Variants in ECM2 observed in about 807,000 individuals in gnomAD.
ECM2 encodes the protein extracellular matrix protein 2, also known as extracellular matrix protein 2, female organ and adipocyte specific.
Under a neutral mutation model 67.5 loss-of-function variants are expected in ECM2, and 57 were observed. The observed-to-expected ratio is 0.84, with a 90% confidence interval of 0.68 to 1.05. The LOEUF (loss-of-function observed/expected upper bound fraction) is 1.05, where lower values mean the gene tolerates loss of function less well. ECM2 is among the 50% of genes least tolerant of loss of function. The pLI is 0.00. For missense variants in ECM2, 741 were observed against 822.8 expected, an observed-to-expected ratio of 0.90 and a Z score of 1.22; for synonymous variants, 258 against 294.5, an observed-to-expected ratio of 0.88 and a Z score of 1.27.
chr9:92,523,815 G>A (rs1238123345), intron 1 of ECM2, among the ~76,000 whole-genome samples: 2 of 152,202 alleles, frequency 1.3e-5, no homozygotes, highest in Non-Finnish European at 2.9e-5. Context: ...ATAGATAAGA[G>A]AGCAGGTTGC....
chr9:92,540,509 A>G (rs1196819298), upstream of ECM2, among the ~76,000 whole-genome samples: 1 of 152,136 alleles, frequency 6.6e-6, no homozygotes, highest in Admixed American at 6.5e-5. Context: ...GCAGTGGCTC[A>G]TGCCTGTAAT....
chr9:92,535,438 G>A (rs773909155), intron 1 of ECM2, among the ~76,000 whole-genome samples: 1 of 151,878 alleles, frequency 6.6e-6, no homozygotes, highest in African/African-American at 2.4e-5. Context: ...AGCACTTACT[G>A]TGTTTATCCC....
chr9:92,550,261 T>C, the ECM2 span, among the ~76,000 whole-genome samples: 3 of 151,988 alleles, frequency 2.0e-5, no homozygotes, highest in African/African-American at 7.3e-5. Flanking sequence ...CTGGGTGTGG[T>C]GGTGCGTGCC....
At chr9:92,534,069 G>A (rs1849022471) in intron 1 of ECM2, among the ~76,000 whole-genome samples, 1 of 151,932 alleles carries the variant, frequency 6.6e-6, no homozygotes, top group Admixed American at 6.6e-5. Flanking sequence ...TCCTATACAA[G>A]CTCTCTTCAC....
Position 92,522,560 on chromosome 9 carries a change from A to C in ECM2, c.292+15T>G, listed in dbSNP as rs760163313. 1 of 1,590,496 alleles carries C rather than the reference A, an allele frequency of 6.3e-7. No individual in the cohort carries two copies. The highest frequency in any genetic ancestry group is 1.3e-5 in the African/African-American group (1 of 74,306). On this transcript the variant is annotated intron_variant, in intron 2 of 9. Transcript: ENST00000344604. ...TCCTCCCTCTTTCTGTCTCTCTCTC[A>C]TAGTGTTCTCTTACCTGGTAACACA... is the stretch of plus-strand genomic sequence containing the variant.
At chr9:92,558,545 A>C in the ECM2 span, among the ~76,000 whole-genome samples, 11 of 152,124 alleles carry the variant, frequency 7.2e-5, no homozygotes, top group African/African-American at 2.7e-4. Flanking sequence ...TGGAGGTGGC[A>C]GAGGGTGCAA....
At chr9:92,529,486 C>A (rs763019071) in intron 1 of ECM2, among the ~76,000 whole-genome samples, 1 of 152,136 alleles carries the variant, frequency 6.6e-6, no homozygotes, top group Non-Finnish European at 1.5e-5. Flanking sequence ...AAATCTATGT[C>A]CACACAAAAA....
intron 2 of ECM2, among the ~76,000 whole-genome samples, chr9:92,520,214 T>G (rs1238759838): frequency 6.6e-6 from 1 of 151,226 alleles, no homozygotes; most frequent in Non-Finnish European, 1.5e-5. Flanking sequence ...GCCCAGGAGT[T>G]CAAGACTGCA....
intron 1 of ECM2, among the ~76,000 whole-genome samples, chr9:92,532,732 AT>A (rs1588244901): frequency 6.6e-6 from 1 of 151,788 alleles, no homozygotes; most frequent in African/African-American, 2.4e-5. Flanking sequence ...CTCATCTTTT[AT>A]TTTTTTAAAC....
intron 6 of ECM2, among the ~76,000 whole-genome samples, chr9:92,508,325 A>G (rs543737586): frequency 6.6e-6 from 1 of 152,294 alleles, no homozygotes; most frequent in South Asian, 2.1e-4. Context: ...CGGACTGTGG[A>G]GAAAGGTGGG....
chr9:92,522,394 T>A (rs887669623), intron 2 of ECM2, among the ~76,000 whole-genome samples, 181 bp downstream of exon 2: 3 of 152,228 alleles, frequency 2.0e-5, no homozygotes, highest in African/African-American at 4.8e-5. Flanking sequence ...CCCTATTTTT[T>A]AAATTATTTT....
At chr9:92,505,805 T>C in intron 6 of ECM2, 115 bp from the exon 7 acceptor site, 1 of 827,776 alleles carries the variant, frequency 1.2e-6, no homozygotes. Flanking sequence ...AAATACAGTT[T>C]TTTTTAAACC....
rs1379096999 is a variant in ECM2 at position 92,522,596 on chromosome 9, A to G, written c.271T>C (p.Ser91Pro). The stretch of plus-strand genomic sequence containing the variant: ...TTACCTGGTAACACATTATAACTTG[A>G]TTCTACTCCAGGAAAACTTGAAAAG... ...ESFSSFPGVE[S>P]SYNVLPGKKG... Residue 91 changes from serine (S) to proline (P), a missense_variant, in exon 2 of 10, where the codon TCA becomes CCA. Coordinates refer to ENST00000344604, the MANE Select transcript of ECM2 (RefSeq NM_001393.4). The G allele has an allele frequency of 6.2e-7, 1 of 1,613,000 alleles. No individual in the cohort carries two copies.
chr9:92,502,719 C>T, intron 7 of ECM2, 67 bp from the exon 8 acceptor site: 2 of 1,273,608 alleles, frequency 1.6e-6, no homozygotes, highest in African/African-American at 1.5e-5. Flanking sequence ...TTCATGGAGA[C>T]TAAAATAGTG....
chr9:92,527,598 G>A (rs1251693082), intron 1 of ECM2, among the ~76,000 whole-genome samples: 1 of 152,198 alleles, frequency 6.6e-6, no homozygotes, highest in Non-Finnish European at 1.5e-5. Context: ...CCTAAGACAA[G>A]CTGTGGGAAA....
chr9:92,499,070 A>G (rs1484186731), intron 9 of ECM2, among the ~76,000 whole-genome samples: 1 of 152,222 alleles, frequency 6.6e-6, no homozygotes, highest in African/African-American at 2.4e-5. Context: ...GGTCTGCAGT[A>G]GGTAATGCAG....
At chr9:92,532,744 A>G (rs1848875765) in intron 1 of ECM2, among the ~76,000 whole-genome samples, 1 of 152,128 alleles carries the variant, frequency 6.6e-6, no homozygotes, top group Non-Finnish European at 1.5e-5. Context: ...TTTTTTAAAC[A>G]TATTAAAAAT....
rs2131134581 is a variant in ECM2 at position 92,496,403 on chromosome 9, T to C, written c.2012A>G (p.Tyr671Cys). The C allele has an allele frequency of 6.2e-7, 1 of 1,610,842 alleles. No homozygotes were observed. The highest frequency in any genetic ancestry group is 1.1e-5 in the South Asian group (1 of 90,386). ...AGATGGTATTTCTCTAATTTTAATATAATTGTTTTCAAGATGAAGATGTTC... is the reference window on the plus strand; with the variant it reads ...AGATGGTATTTCTCTAATTTTAATACAATTGTTTTCAAGATGAAGATGTTC... ...NLEHLHLENN[Y>C]IKIREIPSYT... Residue 671 changes from tyrosine (Y) to cysteine (C), a missense_variant, in exon 10 of 10, where the codon TAT (tyrosine) becomes TGT (cysteine). Coordinates refer to ENST00000344604, the MANE Select transcript of ECM2 (RefSeq NM_001393.4).
chr9:92,502,375 CT>C, intron 8 of ECM2, 137 bp downstream of exon 8: 1 of 1,093,640 alleles, frequency 9.1e-7, no homozygotes, highest in Non-Finnish European at 1.3e-6. Flanking sequence ...TAAGGGTTCA[CT>C]AAGAAACGAT....
Sources: allele counts gnomAD v4.1 joint callset (sites outside exome capture counted in the v4.1 genomes callset), GRCh38; gene constraint gnomAD v4.1.1; transcripts MANE v1.5; gene names NCBI Gene and HGNC (gene_info 2026-07-23, HGNC 2026-07-21).